The following SH3GL3 variants were observed in gnomAD, a reference collection of about 807,000 sequenced individuals.
SH3GL3 encodes the protein endophilin-A3.
SH3GL3 carries 33 observed loss-of-function variants against 47.7 expected under a neutral mutation model. That is an observed-to-expected ratio of 0.69 (90% confidence interval 0.52 to 0.92). The LOEUF (loss-of-function observed/expected upper bound fraction) is 0.92, where lower values mean the gene tolerates loss of function less well. SH3GL3 is among the 40% of genes least tolerant of loss of function. SH3GL3 has a pLI of 0.00. For missense variants in SH3GL3, 363 were observed against 417.8 expected (o/e 0.87, Z 1.14); for synonymous variants, 155 against 148.8 (o/e 1.04, Z -0.30).
chr15:83,467,976 C>G (rs909472227), intron 1 of SH3GL3, among the ~76,000 whole-genome samples: 2 of 152,028 alleles, frequency 1.3e-5, no homozygotes, highest in Non-Finnish European at 2.9e-5. Flanking sequence ...TACAGGTGCC[C>G]GCCACCACGC....
intron 6 of SH3GL3, among the ~76,000 whole-genome samples, chr15:83,582,075 G>T (rs556974862): frequency 5.1e-4 from 78 of 152,338 alleles, no homozygotes; most frequent in Admixed American, 1.0e-3. Context: ...TCAGCAGACT[G>T]GTTACCAGCC....
At chr15:83,467,744 C>T (rs1018146764) in intron 1 of SH3GL3, among the ~76,000 whole-genome samples, 2 of 152,064 alleles carry the variant, frequency 1.3e-5, no homozygotes, top group Non-Finnish European at 2.9e-5. Context: ...GCACATAGAT[C>T]GTGTGCATGT....
At chr15:83,553,606 A>T (rs2044778214) in intron 1 of SH3GL3, among the ~76,000 whole-genome samples, 1 of 152,134 alleles carries the variant, frequency 6.6e-6, no homozygotes, top group Non-Finnish European at 1.5e-5. Context: ...TATGGGTATC[A>T]TAGTTTTGTG....
intron 1 of SH3GL3, among the ~76,000 whole-genome samples, chr15:83,489,760 A>G (rs74024504): frequency 1.3e-5 from 2 of 152,182 alleles, no homozygotes; most frequent in African/African-American, 2.4e-5. Context: ...AGTTAGACCT[A>G]TTTAGGGAAT....
At chr15:83,518,492 A>G (rs2043080295) in intron 1 of SH3GL3, among the ~76,000 whole-genome samples, 1 of 152,098 alleles carries the variant, frequency 6.6e-6, no homozygotes, top group Non-Finnish European at 1.5e-5. Flanking sequence ...ATGATTAGAG[A>G]TGTGGAGCAT....
chr15:83,511,936 C>T (rs2042773551), intron 1 of SH3GL3, among the ~76,000 whole-genome samples: 1 of 152,150 alleles, frequency 6.6e-6, no homozygotes, highest in Admixed American at 6.5e-5. Flanking sequence ...ACACTTGGAA[C>T]AATACTGGAC....
chr15:83,609,801 G>A (rs887971714), intron 8 of SH3GL3, among the ~76,000 whole-genome samples: 2 of 152,116 alleles, frequency 1.3e-5, no homozygotes, highest in African/African-American at 4.8e-5. Flanking sequence ...CTCCCTTAAA[G>A]TCAGGGTTAG....
intron 6 of SH3GL3, among the ~76,000 whole-genome samples, chr15:83,586,559 T>C (rs750395638): frequency 6.6e-6 from 1 of 152,204 alleles, no homozygotes; most frequent in Non-Finnish European, 1.5e-5. Context: ...GTACTTAATG[T>C]CTTGATTTGG....
At chr15:83,493,671 C>T (rs544452424) in intron 1 of SH3GL3, among the ~76,000 whole-genome samples, 47 of 152,188 alleles carry the variant, frequency 3.1e-4, no homozygotes, top group African/African-American at 9.6e-4. Context: ...CTGCCCTGAG[C>T]GATTCCTCTG....
chr15:83,621,797 C>T (rs192923600), downstream of SH3GL3, among the ~76,000 whole-genome samples: 5 of 152,336 alleles, frequency 3.3e-5, no homozygotes, highest in East Asian at 9.6e-4. Context: ...CTGTACCTCA[C>T]TGCACACTTA....
the SH3GL3 span, among the ~76,000 whole-genome samples, chr15:83,630,575 CAT>C: frequency 2.0e-5 from 3 of 152,162 alleles, no homozygotes; most frequent in South Asian, 6.2e-4. Flanking sequence ...GGGAAGCAAA[CAT>C]GTCCTTCTTC....
rs916087906 is a variant in SH3GL3, at chr15:83,577,589, G to A, written c.624+848G>A. Among the ~76,000 whole-genome samples the A allele has an allele frequency of 2.0e-5, 3 of 151,690 alleles. No individual in the cohort carries two copies. The South Asian group carries it at 6.3e-4, about 32-fold the overall frequency. On this transcript the variant is annotated intron_variant, in intron 6 of 8. Transcript: ENST00000427482. ...AATTTTTTGTCAAGATGGGAGTTTC[G>A]CCATGTTGCCCAGGCTGATCATGAA...
At chr15:83,538,693 A>G (rs2044027026) in intron 1 of SH3GL3, among the ~76,000 whole-genome samples, 1 of 152,176 alleles carries the variant, frequency 6.6e-6, no homozygotes, top group Non-Finnish European at 1.5e-5. Context: ...GTTACATATT[A>G]TGGGAGCAGT....
At chr15:83,627,122 C>T in the SH3GL3 span, among the ~76,000 whole-genome samples, 11 of 152,138 alleles carry the variant, frequency 7.2e-5, no homozygotes, top group Middle Eastern at 3.4e-3. Flanking sequence ...AGGGGCTGGG[C>T]GCGGTGGCTC....
At chr15:83,582,710 G>T (rs371350562) in intron 6 of SH3GL3, among the ~76,000 whole-genome samples, 1 of 152,190 alleles carries the variant, frequency 6.6e-6, no homozygotes, top group Admixed American at 6.5e-5. Context: ...TGAACTTGTA[G>T]AAAGCATACC....
intron 1 of SH3GL3, among the ~76,000 whole-genome samples, chr15:83,526,400 G>T (rs916331893): frequency 1.3e-5 from 2 of 152,152 alleles, no homozygotes; most frequent in Non-Finnish European, 2.9e-5. Flanking sequence ...AATAGCAAAG[G>T]CATGGAATCA....
intron 1 of SH3GL3, chr15:83,490,732 T>C (rs1372022805): frequency 7.6e-6 from 12 of 1,569,320 alleles, no homozygotes. Context: ...CCTTTGGAAT[T>C]TGTTCACTTT....
chr15:83,605,824 G>T (rs1235817380), intron 8 of SH3GL3, among the ~76,000 whole-genome samples: 2 of 152,082 alleles, frequency 1.3e-5, no homozygotes, highest in African/African-American at 4.8e-5. Context: ...TGTCCCCAAA[G>T]AGAAAAGGAG....
intron 3 of SH3GL3, among the ~76,000 whole-genome samples, chr15:83,566,485 C>G (rs371256367): frequency 6.6e-6 from 1 of 151,774 alleles, no homozygotes. Flanking sequence ...GTTCAAAAGT[C>G]CGGCACTGGC....
Sources: allele counts gnomAD v4.1 joint callset (sites outside exome capture counted in the v4.1 genomes callset), GRCh38; gene constraint gnomAD v4.1.1; transcripts MANE v1.5; gene names NCBI Gene and HGNC (gene_info 2026-07-23, HGNC 2026-07-21).